LMO7: variants seen among roughly 807,000 people sequenced by gnomAD.
The protein encoded by LMO7 is LIM domain 7.
A neutral mutation model predicts 206.5 loss-of-function variants in LMO7; 120 were observed. The ratio of observed to expected loss-of-function variants is 0.58; its 90% CI spans 0.50 to 0.68. The LOEUF (loss-of-function observed/expected upper bound fraction) is 0.68. Among genes scored for constraint, LMO7 ranks in the 30% least tolerant of loss-of-function variants. LMO7 has a pLI of 0.00. For missense variants in LMO7, 1,959 were observed against 1,957.9 expected (o/e 1.00, Z -0.01); for synonymous variants, 706 against 681.5 (o/e 1.04, Z -0.56).
In LMO7 at chr13:75,804,390, G is replaced by A. The variant is rs577942396; in HGVS notation, c.763G>A (p.Ala255Thr). ...GATTTCGGCTGTTGAGCCAAAGACT[G>A]CGTTACCCTTCAATCGTTTTTTACC... ...RRISAVEPKT[A>T]LPFNRFLPNK... Residue 255 changes from alanine (A) to threonine (T), a missense_variant, in exon 8 of 31, where the codon GCG (alanine) becomes ACG (threonine). Transcript: ENST00000377534. The A allele has an allele frequency of 6.2e-7, 1 of 1,614,064 alleles. No individual in the cohort carries two copies. Among genetic ancestry groups the A allele is most frequent in the African/African-American group, 1.3e-5 (1 of 74,932 alleles).
At chr13:75,822,831 TA>T (rs1566548160) in intron 14 of LMO7, among the ~76,000 whole-genome samples, 6 of 142,426 alleles carry the variant, frequency 4.2e-5, no homozygotes, top group Middle Eastern at 3.6e-3. Flanking sequence ...ATAAAATATA[TA>T]TATATATATA....
At chr13:75,803,254 T>C (rs760138843) in intron 7 of LMO7, among the ~76,000 whole-genome samples, 2 of 152,178 alleles carry the variant, frequency 1.3e-5, no homozygotes, top group African/African-American at 2.4e-5. Context: ...CTGTTCTCAG[T>C]GTTATTTACT....
intron 4 of LMO7, among the ~76,000 whole-genome samples, chr13:75,774,286 A>G (rs1429480726): frequency 6.6e-6 from 1 of 152,112 alleles, no homozygotes; most frequent in Non-Finnish European, 1.5e-5. Context: ...CTAGAATATC[A>G]TATAAGAGGA....
chr13:75,734,236 C>T (rs1276921321), intron 3 of LMO7, among the ~76,000 whole-genome samples: 1 of 152,154 alleles, frequency 6.6e-6, no homozygotes, highest in African/African-American at 2.4e-5. Flanking sequence ...AAGGTAGCTA[C>T]TCAGACGGGG....
At chr13:75,622,676 T>A (rs1038093602) in intron 1 of LMO7, among the ~76,000 whole-genome samples, 1 of 152,222 alleles carries the variant, frequency 6.6e-6, no homozygotes, top group East Asian at 1.9e-4. Flanking sequence ...ACATTAGATA[T>A]ATTCAATAGA....
chr13:75,765,590 A>G (rs1490480582), intron 4 of LMO7, among the ~76,000 whole-genome samples: 1 of 152,086 alleles, frequency 6.6e-6, no homozygotes, highest in African/African-American at 2.4e-5. Context: ...GAAGGGATGG[A>G]ACATTAATTC....
intron 24 of LMO7, among the ~76,000 whole-genome samples, chr13:75,842,610 C>CT (rs1744296720): frequency 6.6e-6 from 1 of 152,080 alleles, no homozygotes. Flanking sequence ...TAGAGTGGTA[C>CT]TGGAATATGG....
intron 3 of LMO7, among the ~76,000 whole-genome samples, chr13:75,743,520 TAAA>T (rs1199827006): frequency 6.6e-6 from 1 of 152,078 alleles, no homozygotes; most frequent in Admixed American, 6.5e-5. Context: ...TATGCAGTCA[TAAA>T]AAAGAAAGAG....
intron 4 of LMO7, among the ~76,000 whole-genome samples, chr13:75,783,962 A>G (rs2051979785): frequency 6.6e-6 from 1 of 152,152 alleles, no homozygotes; most frequent in East Asian, 1.9e-4. Context: ...GCTTTATCTG[A>G]TTAGTGGAGT....
At chr13:75,730,687 C>G (rs1165146327) in intron 3 of LMO7, among the ~76,000 whole-genome samples, 7 of 138,236 alleles carry the variant, frequency 5.1e-5, no homozygotes, top group African/African-American at 8.5e-5. Flanking sequence ...AATGTGTTTG[C>G]TCTTGCTTTT....
intron 1 of LMO7, among the ~76,000 whole-genome samples, chr13:75,638,027 C>T (rs1421160263): frequency 3.3e-5 from 5 of 152,148 alleles, no homozygotes; most frequent in South Asian, 2.1e-4. Flanking sequence ...AATAACTTCC[C>T]TCATTCATAA....
In LMO7 at chr13:75,840,078, A is replaced by C; in HGVS notation, c.3452-7A>C. ...TTTTTCTTCCTTGCCCATGTGCTGC[A>C]ACACAGGAAGCTCTGATTCGGTGGT... On this transcript the variant is annotated splice_polypyrimidine_tract_variant and splice_region_variant and intron_variant, in intron 20 of 30. Transcript: ENST00000377534. The C allele has an allele frequency of 6.2e-7, 1 of 1,613,842 alleles. No individual in the cohort carries two copies. Among genetic ancestry groups the C allele is most frequent in the Non-Finnish European group, 8.5e-7 (1 of 1,179,752 alleles).
chr13:75,627,899 G>T (rs923295607), intron 2 of LMO7: 1 of 151,480 alleles, frequency 6.6e-6, no homozygotes, highest in African/African-American at 2.4e-5. Flanking sequence ...TTTAAAAAAG[G>T]TCTTGGATTT....
chr13:75,763,150 C>T (rs1159359658), intron 4 of LMO7, among the ~76,000 whole-genome samples: 1 of 152,068 alleles, frequency 6.6e-6, no homozygotes, highest in Admixed American at 6.6e-5. Flanking sequence ...GGCAGTTTTG[C>T]CAACCAGGGG....
intron 3 of LMO7, among the ~76,000 whole-genome samples, chr13:75,732,537 T>G (rs1444249337): frequency 1.3e-5 from 2 of 152,212 alleles, no homozygotes; most frequent in African/African-American, 4.8e-5. Context: ...TAAATTTTTT[T>G]CAAAGTTTTC....
At chr13:75,640,454 C>G (rs2036424304) in intron 1 of LMO7, among the ~76,000 whole-genome samples, 1 of 152,142 alleles carries the variant, frequency 6.6e-6, no homozygotes, top group Admixed American at 6.5e-5. Context: ...TTCCTTGTAA[C>G]CTAGTGAACA....
chr13:75,695,914 A>G (rs1243949841), intron 1 of LMO7, among the ~76,000 whole-genome samples: 1 of 150,514 alleles, frequency 6.6e-6, no homozygotes, highest in Non-Finnish European at 1.5e-5. Flanking sequence ...TTTTTGTTGT[A>G]TGTTTTATGT....
chr13:75,747,023 T>G (rs955740264), intron 3 of LMO7, among the ~76,000 whole-genome samples: 8 of 152,180 alleles, frequency 5.3e-5, no homozygotes, highest in African/African-American at 1.7e-4. Context: ...TAGTCCGGTT[T>G]GTACATGTTG....
At chr13:75,663,699 G>A (rs1056555985) in intron 1 of LMO7, among the ~76,000 whole-genome samples, 2 of 152,036 alleles carry the variant, frequency 1.3e-5, no homozygotes, top group East Asian at 3.9e-4. Flanking sequence ...CAAAGTGCTG[G>A]GATTACAGGC....
Sources: gnomAD v4.1 joint callset for allele counts (sites outside exome capture counted in the v4.1 genomes callset) on GRCh38, gnomAD v4.1.1 for gene constraint, MANE v1.5 for transcripts, NCBI Gene and HGNC (gene_info 2026-07-23, HGNC 2026-07-21) for gene names.